Variants in FHL1 observed in about 807,000 individuals in gnomAD.
The protein encoded by FHL1 is four and a half LIM domains protein 1.
A neutral mutation model predicts 20.3 loss-of-function variants in FHL1; 1 was observed. That is an observed-to-expected ratio of 0.05 (90% CI 0.02 to 0.23). The LOEUF is 0.23. Ranked by LOEUF, FHL1 falls within the 10% of genes least tolerant of loss-of-function variation. The pLI, the probability that FHL1 is intolerant of heterozygous loss-of-function variation, is 1.00. For synonymous variants in FHL1, 82 were observed against 88.9 expected (o/e 0.92, Z 0.44); for missense variants, 177 against 234.0 (o/e 0.76, Z 1.59).
intron 2 of FHL1, among the ~76,000 whole-genome samples, chrX:136,180,717 A>C (rs1294749011): frequency 8.9e-6 from 1 of 112,302 alleles, no homozygotes; most frequent in Non-Finnish European, 1.9e-5. Flanking sequence ...GAGAACACAT[A>C]CTGATTGACT....
At chrX:136,205,543 G>A (rs944281783) in intron 1 of FHL1, among the ~76,000 whole-genome samples, 6 of 111,791 alleles carry the variant, frequency 5.4e-5, no homozygotes, top group African/African-American at 2.0e-4. Flanking sequence ...TGTGCCAATT[G>A]ACAAAGCCAT....
intron 1 of FHL1, among the ~76,000 whole-genome samples, chrX:136,197,812 C>T (rs1378533939): frequency 8.9e-6 from 1 of 111,966 alleles, no homozygotes; most frequent in Non-Finnish European, 1.9e-5. Context: ...GGCCAAAAGC[C>T]CAGTTATTTG....
intron 1 of FHL1, among the ~76,000 whole-genome samples, chrX:136,153,285 G>GC (rs1556631266): frequency 6.0e-5 from 1 of 16,678 alleles, no homozygotes; most frequent in Non-Finnish European, 2.2e-4. Flanking sequence ...TGCGGGAGGT[G>GC]GGGGGGGGCA....
At chrX:136,208,670 C>T (rs763832933) in intron 5 of FHL1, 29 bp downstream of exon 5, 24 of 1,180,917 alleles carry the variant, frequency 2.0e-5, no homozygotes, top group Non-Finnish European at 2.4e-5. Flanking sequence ...GCTAAGTCTG[C>T]CAGGCTAGGT....
At chrX:136,198,498 C>A (rs187245460) in intron 1 of FHL1, among the ~76,000 whole-genome samples, 2 of 111,685 alleles carry the variant, frequency 1.8e-5, no homozygotes, top group Non-Finnish European at 1.9e-5. Context: ...TTATTTATAC[C>A]TTTTAGATGA....
At chrX:136,189,712 G>A (rs1262303771) in intron 2 of FHL1, among the ~76,000 whole-genome samples, 1 of 111,766 alleles carries the variant, frequency 8.9e-6, no homozygotes, top group African/African-American at 3.3e-5. Context: ...TAGTCACAGA[G>A]AAGTTAAGTG....
rs191716671 is a variant in FHL1, at chrX:136,187,362, C to G, written c.-27+17382C>G. Among the ~76,000 whole-genome samples the G allele has an allele frequency of 2.7e-5, 3 of 111,496 alleles. No individual in the cohort carries two copies. The East Asian group carries it at 8.4e-4, about 31-fold the overall frequency. Reference sequence around the variant, plus strand: ...ACCCATGCAAAAAAAAGAATGTTCACAGCAGTATTATAGTGGCTAAAAAGT... The same window carrying G: ...ACCCATGCAAAAAAAAGAATGTTCAGAGCAGTATTATAGTGGCTAAAAAGT... On this transcript the variant is annotated intron_variant, in intron 2 of 6. Coordinates refer to the FHL1 transcript ENST00000394153.
intron 1 of FHL1, among the ~76,000 whole-genome samples, chrX:136,159,015 T>C (rs886216523): frequency 3.6e-5 from 4 of 110,224 alleles, no homozygotes; most frequent in East Asian, 5.7e-4. Context: ...GGCCCATCAA[T>C]TGGGACAAAT....
At chrX:136,163,825 C>T (rs1441111730) in intron 1 of FHL1, among the ~76,000 whole-genome samples, 1 of 111,736 alleles carries the variant, frequency 8.9e-6, no homozygotes, top group Non-Finnish European at 1.9e-5. Flanking sequence ...ATTACAGTCA[C>T]CTCAAAAGCT....
intron 5 of FHL1, among the ~76,000 whole-genome samples, chrX:136,208,918 A>C (rs370546515): frequency 0.012 from 226 of 18,620 alleles, 1 homozygote; most frequent in African/African-American, 0.046. Flanking sequence ...GCCACTTTGC[A>C]GGGGGATTCT....
intron 1 of FHL1, chrX:136,148,797 GA>G (rs1412383113): frequency 8.9e-6 from 1 of 112,515 alleles, no homozygotes; most frequent in Non-Finnish European, 1.9e-5. Context: ...CTTAGGAAAA[GA>G]AAAGGACAAG....
rs1398884219 is a variant in FHL1 at position 136,188,583 on chromosome X, C to CT, written c.-26-17823dup. Among the ~76,000 whole-genome samples, 4 of 111,394 alleles carry CT rather than the reference C, an allele frequency of 3.6e-5. No individual in the cohort carries two copies. In the East Asian group the frequency reaches 1.1e-3, roughly 31 times the overall value. ...ACTGCTCATGCATGGAGAGTGACAG[C>CT]TAAGAGGTCCGGGGTTTCTTTTGGG... On this transcript the variant is annotated intron_variant, in intron 2 of 6. Coordinates refer to the FHL1 transcript ENST00000394153.
At chrX:136,161,850 T>C (rs775273004) in intron 1 of FHL1, among the ~76,000 whole-genome samples, 4 of 111,865 alleles carry the variant, frequency 3.6e-5, no homozygotes, top group Non-Finnish European at 7.5e-5. Flanking sequence ...AGGCCGGGCG[T>C]GGTGGCTCAT....
chrX:136,155,221 T>C (rs2072381383), intron 1 of FHL1, among the ~76,000 whole-genome samples: 1 of 111,551 alleles, frequency 9.0e-6, no homozygotes. Context: ...CATCTGCCAC[T>C]GCATCTTGCC....
chrX:136,190,416 A>C (rs781546160), intron 2 of FHL1, among the ~76,000 whole-genome samples: 7 of 111,764 alleles, frequency 6.3e-5, no homozygotes, highest in Non-Finnish European at 1.3e-4. Context: ...ACTGCTTCCA[A>C]GTTAGCCAAA....
intron 1 of FHL1, among the ~76,000 whole-genome samples, chrX:136,153,286 G>GT (rs1177976033): frequency 7.8e-5 from 8 of 103,108 alleles, no homozygotes; most frequent in Admixed American, 4.2e-4. Flanking sequence ...GCGGGAGGTG[G>GT]GGGGGGGCAG....
chrX:136,151,305 A>G (rs1248765462), intron 1 of FHL1, among the ~76,000 whole-genome samples: 1 of 113,095 alleles, frequency 8.8e-6, no homozygotes, highest in African/African-American at 3.2e-5. Context: ...GCCGAGGTTG[A>G]TGTAATTTCC....
chrX:136,170,375 G>T lies in FHL1; in HGVS notation c.-27+395G>T, dbSNP rs1232266509. ...CGAGAAGGTTAGGCTGACCTGATCA[G>T]CTATTAGGAATCTTTCTCCCTGGGT... On this transcript the variant is annotated intron_variant, in intron 2 of 6. Coordinates refer to the FHL1 transcript ENST00000394153. Among the ~76,000 whole-genome samples, 19 of 111,518 alleles carry T rather than the reference G, an allele frequency of 1.7e-4. No individual in the cohort carries two copies. The Admixed American group carries it at 1.8e-3, about 11-fold the overall frequency.
At chrX:136,192,259 T>C (rs755382042), upstream of FHL1, among the ~76,000 whole-genome samples, 56 of 112,126 alleles carry the variant, frequency 5.0e-4, no homozygotes, top group Non-Finnish European at 8.6e-4. Context: ...GTTTTCCTGA[T>C]AGTGATTTCT....
Sources: allele counts gnomAD v4.1 joint callset (sites outside exome capture counted in the v4.1 genomes callset), GRCh38; gene constraint gnomAD v4.1.1; transcripts MANE v1.5; gene names NCBI Gene and HGNC (gene_info 2026-07-23, HGNC 2026-07-21).